Variants in NOSTRIN observed in about 807,000 individuals in gnomAD.
The protein encoded by NOSTRIN is nitric oxide synthase trafficking.
NOSTRIN carries 63 observed loss-of-function variants against 59.0 expected under a neutral mutation model. The observed-to-expected ratio is 1.07, with a 90% CI of 0.87 to 1.32. The LOEUF (loss-of-function observed/expected upper bound fraction) is 1.32, where lower values mean the gene tolerates loss of function less well. NOSTRIN is among the 40% of genes most tolerant of loss of function. NOSTRIN has a pLI of 0.00. For missense variants in NOSTRIN, 512 were observed against 473.1 expected (o/e 1.08, Z -0.76); for synonymous variants, 200 against 165.4 (o/e 1.21, Z -1.61).
At chr2:168,850,206 C>G (rs1276251269) in intron 8 of NOSTRIN, among the ~76,000 whole-genome samples, 1 of 152,174 alleles carries the variant, frequency 6.6e-6, no homozygotes, top group Non-Finnish European at 1.5e-5. Context: ...AGCCACTGTG[C>G]CCGGCCTCTA....
chr2:168,786,843 C>G (rs1042923293), intron 1 of NOSTRIN: 7 of 152,282 alleles, frequency 4.6e-5, no homozygotes, highest in African/African-American at 1.7e-4. Flanking sequence ...CCTGCCTCCC[C>G]CCTCCTCCAG....
At chr2:168,828,281 T>C (rs1325746394) in intron 4 of NOSTRIN, 61 bp downstream of exon 4, 2 of 871,716 alleles carry the variant, frequency 2.3e-6, no homozygotes, top group African/African-American at 1.6e-5. Context: ...TTAAAGTGGG[T>C]TTGCTACAAA....
At chr2:168,850,820 T>A in intron 8 of NOSTRIN, 3 of 782,280 alleles carry the variant, frequency 3.8e-6, no homozygotes, top group Non-Finnish European at 6.5e-6. Context: ...TTTCTCCCCC[T>A]TCCTCATAAA....
At chr2:168,824,753 C>T (rs1413224166) in intron 3 of NOSTRIN, 36 bp downstream of exon 3, 2 of 738,126 alleles carry the variant, frequency 2.7e-6, no homozygotes, top group Non-Finnish European at 4.7e-6. Flanking sequence ...AAAATCAACC[C>T]TTTTTTTATT....
At chr2:168,789,131 A>G (rs577100874) in intron 2 of NOSTRIN, among the ~76,000 whole-genome samples, 6 of 152,320 alleles carry the variant, frequency 3.9e-5, no homozygotes, top group African/African-American at 1.4e-4. Context: ...CTGGGTGTGG[A>G]ACATCTTTTT....
intron 2 of NOSTRIN, among the ~76,000 whole-genome samples, chr2:168,813,241 C>T (rs1022937688): frequency 1.3e-5 from 2 of 152,164 alleles, no homozygotes; most frequent in Non-Finnish European, 2.9e-5. Context: ...CAGGAAGAAT[C>T]TATGCATGTA....
intron 10 of NOSTRIN, among the ~76,000 whole-genome samples, chr2:168,851,730 T>C (rs970528786): frequency 6.6e-6 from 1 of 152,220 alleles, no homozygotes; most frequent in Non-Finnish European, 1.5e-5. Flanking sequence ...AAATTGGTTG[T>C]CTGCACAAAT....
At chr2:168,826,115 T>C (rs1687048136) in intron 3 of NOSTRIN, among the ~76,000 whole-genome samples, 1 of 152,224 alleles carries the variant, frequency 6.6e-6, no homozygotes, top group Non-Finnish European at 1.5e-5. Flanking sequence ...GCTGTGAGAA[T>C]TAAATACGGT....
At chr2:168,863,460 C>T (rs978896520) in intron 15 of NOSTRIN, 141 of 985,122 alleles carry the variant, frequency 1.4e-4, no homozygotes, top group Non-Finnish European at 1.6e-4. Flanking sequence ...GCTCTTGGAT[C>T]CTGACGGGGG....
At chr2:168,800,909 T>TAAAAA (rs1472847040), upstream of NOSTRIN, among the ~76,000 whole-genome samples, 442 of 59,462 alleles carry the variant, frequency 7.4e-3, 2 homozygotes, top group East Asian at 0.084. Context: ...TAAATTTCTT[T>TAAAAA]TAAAAAAAAA....
intron 14 of NOSTRIN, 80 bp downstream of exon 14, chr2:168,860,989 C>A: frequency 2.4e-6 from 2 of 846,306 alleles, no homozygotes; most frequent in South Asian, 1.4e-5. Flanking sequence ...AGTTTCAGAG[C>A]CACTTTGACC....
At chr2:168,846,567 T>G (rs1688438711) in intron 8 of NOSTRIN, among the ~76,000 whole-genome samples, 1 of 152,192 alleles carries the variant, frequency 6.6e-6, no homozygotes, top group Non-Finnish European at 1.5e-5. Context: ...TACTTCACAA[T>G]CATACTGTAT....
chr2:168,834,513 A>ACACACGCGCACG, intron 7 of NOSTRIN, among the ~76,000 whole-genome samples, 188 bp downstream of exon 7: 1 of 141,672 alleles, frequency 7.1e-6, no homozygotes, highest in Non-Finnish European at 1.5e-5. Flanking sequence ...GCGCGCACAC[A>ACACACGCGCACG]CACACACACA....
chr2:168,847,113 T>TGGTATGAAA (rs1688478395), intron 8 of NOSTRIN, among the ~76,000 whole-genome samples: 1 of 152,138 alleles, frequency 6.6e-6, no homozygotes, highest in Non-Finnish European at 1.5e-5. Context: ...TATGAAATAA[T>TGGTATGAAA]TAAAGTGGTA....
chr2:168,824,597 C>A (rs573748540), intron 2 of NOSTRIN, 37 bp from the exon 3 acceptor site: 1 of 865,266 alleles, frequency 1.2e-6, no homozygotes, highest in East Asian at 2.4e-5. Flanking sequence ...CTGTGCCCAG[C>A]CCAGTACATC....
chr2:168,805,500 A>T (rs1685801315), intron 1 of NOSTRIN, among the ~76,000 whole-genome samples: 1 of 152,212 alleles, frequency 6.6e-6, no homozygotes, highest in Non-Finnish European at 1.5e-5. Context: ...AATTATCTCT[A>T]AGGGAAAGAA....
At chr2:168,841,393 A>C (rs978981749) in intron 7 of NOSTRIN, among the ~76,000 whole-genome samples, 2 of 151,884 alleles carry the variant, frequency 1.3e-5, no homozygotes, top group African/African-American at 4.9e-5. Flanking sequence ...AGTCAGTTTC[A>C]GCTACCCTGG....
intron 13 of NOSTRIN, 45 bp from the exon 14 acceptor site, chr2:168,860,750 T>C: frequency 1.7e-6 from 2 of 1,168,238 alleles, no homozygotes; most frequent in South Asian, 1.3e-5. Flanking sequence ...TGAATGTTTA[T>C]GATAATCGTG....
intron 13 of NOSTRIN, 42 bp from the exon 14 acceptor site, chr2:168,860,753 T>G: frequency 8.4e-7 from 1 of 1,186,376 alleles, no homozygotes; most frequent in Non-Finnish European, 1.3e-6. Context: ...ATGTTTATGA[T>G]AATCGTGTTA....
Sources: allele counts gnomAD v4.1 joint callset (sites outside exome capture counted in the v4.1 genomes callset), GRCh38; gene constraint gnomAD v4.1.1; transcripts MANE v1.5; gene names NCBI Gene and HGNC (gene_info 2026-07-23, HGNC 2026-07-21).